Variants in SLC3A2 observed in about 807,000 individuals in gnomAD.
The protein encoded by SLC3A2 is amino acid transporter heavy chain SLC3A2.
Under a neutral mutation model 48.5 loss-of-function variants are expected in SLC3A2, and 32 were observed. The ratio of observed to expected loss-of-function variants is 0.66; its 90% CI spans 0.50 to 0.89. SLC3A2 has a LOEUF of 0.89. SLC3A2 is among the 40% of genes least tolerant of loss of function. SLC3A2 has a pLI of 0.00. For synonymous variants in SLC3A2, 277 were observed against 288.8 expected (o/e 0.96, Z 0.41); for missense variants, 587 against 680.7 (o/e 0.86, Z 1.53).
intron 1 of SLC3A2, among the ~76,000 whole-genome samples, chr11:62,867,242 T>C (rs891573739): frequency 6.6e-5 from 10 of 151,838 alleles, no homozygotes; most frequent in African/African-American, 2.2e-4. Context: ...TGCGCCCACC[T>C]CGGCCTCCCA....
At chr11:62,863,628 T>G (rs2085424123) in intron 1 of SLC3A2, among the ~76,000 whole-genome samples, 1 of 152,248 alleles carries the variant, frequency 6.6e-6, no homozygotes, top group South Asian at 2.1e-4. Flanking sequence ...TGCAATGTAC[T>G]AATGTTTTCT....
At position 62,880,969 on chromosome 11, in the gene SLC3A2, G is replaced by A. The variant is rs1427500822; in HGVS notation, c.-55G>A. The A allele has an allele frequency of 1.3e-6, 2 of 1,521,340 alleles. No individual in the cohort carries two copies. Among genetic ancestry groups the A allele is most frequent in the East Asian group, 2.3e-5 (1 of 43,586 alleles). 94.2% of individuals were successfully genotyped at this position (1,521,340 alleles called of 1,614,324 possible). On this transcript the variant is annotated 5_prime_UTR_variant, in exon 1 of 9. Transcript: ENST00000338663. ...TTCTGGGTCCGAGGGTCCAGGTAGG[G>A]GTTGAGCCACCATCTGACCGCAAGC...
chr11:62,882,692 C>T (rs189596602), intron 2 of SLC3A2: 68 of 517,192 alleles, frequency 1.3e-4, no homozygotes, highest in East Asian at 7.0e-4. Flanking sequence ...ACATGTTGAC[C>T]GGTCTGGTTT....
chr11:62,867,329 T>C (rs1421338644), intron 1 of SLC3A2, among the ~76,000 whole-genome samples: 1,596 of 116,428 alleles, frequency 0.014, 29 homozygotes, highest in African/African-American at 0.051. Flanking sequence ...TTTCTTTTTT[T>C]TTTTTTTTTT....
chr11:62,883,336 C>T (rs576995631), intron 3 of SLC3A2: 202 of 289,084 alleles, frequency 7.0e-4, no homozygotes, highest in Middle Eastern at 3.6e-3. Context: ...GACTGGTTTC[C>T]CAGTTCTTGT....
At chr11:62,876,871 G>A, upstream of SLC3A2, 1 of 1,047,036 alleles carries the variant, frequency 9.6e-7, no homozygotes. Flanking sequence ...GGAAGTGCTG[G>A]GATTACAGGT....
At chr11:62,880,852 G>A, upstream of SLC3A2, 1 of 1,371,628 alleles carries the variant, frequency 7.3e-7, no homozygotes, top group Non-Finnish European at 9.5e-7. Flanking sequence ...GGGCCGGGGC[G>A]GGGCTCCGCT....
Position 62,870,838 on chromosome 11 carries a change from G to GTAATAATAA in SLC3A2, c.113-10170_113-10162dup, listed in dbSNP as rs57671523. 3.3e-3 allele frequency: 576 copies of GTAATAATAA among 173,212 alleles called. 27 individuals carry two copies. Among genetic ancestry groups the GTAATAATAA allele is most frequent in the Middle Eastern group, 9.3e-3 (5 of 536 alleles). 10.7% of individuals were successfully genotyped at this position (173,212 alleles called of 1,614,324 possible). ...GCTTCCCAGAATGCCGAGATGATAG[G>GTAATAATAA]TAATAATAATAATAATAATTATTAT... On this transcript the variant is annotated intron_variant, in intron 1 of 9. Coordinates refer to the SLC3A2 transcript ENST00000377889.
At chr11:62,868,103 G>A (rs2085472377) in intron 1 of SLC3A2, among the ~76,000 whole-genome samples, 1 of 151,478 alleles carries the variant, frequency 6.6e-6, no homozygotes, top group Non-Finnish European at 1.5e-5. Flanking sequence ...TGTATTTTTA[G>A]TAGAGACGGG....
chr11:62,870,235 G>A (rs948551391), intron 1 of SLC3A2, among the ~76,000 whole-genome samples: 3 of 151,406 alleles, frequency 2.0e-5, no homozygotes, highest in Admixed American at 2.0e-4. Flanking sequence ...AGCCTGGAGT[G>A]CAGTGGCGTG....
upstream of SLC3A2, among the ~76,000 whole-genome samples, chr11:62,879,802 C>T (rs1213055011): frequency 6.6e-6 from 1 of 152,216 alleles, no homozygotes; most frequent in Non-Finnish European, 1.5e-5. Context: ...TGTTGGCACC[C>T]CACGGTGTTG....
upstream of SLC3A2, among the ~76,000 whole-genome samples, chr11:62,877,896 C>A (rs2085586212): frequency 6.6e-6 from 1 of 152,202 alleles, no homozygotes; most frequent in Non-Finnish European, 1.5e-5. Flanking sequence ...GTGGCTCATG[C>A]CTGTAATCCC....
At chr11:62,879,703 G>A (rs1433434777), upstream of SLC3A2, among the ~76,000 whole-genome samples, 1 of 152,242 alleles carries the variant, frequency 6.6e-6, no homozygotes, top group African/African-American at 2.4e-5. Flanking sequence ...TCCAGCCTAG[G>A]TGGGAAAGGG....
At chr11:62,878,500 C>T (rs2085592784), upstream of SLC3A2, among the ~76,000 whole-genome samples, 1 of 151,600 alleles carries the variant, frequency 6.6e-6, no homozygotes, top group Admixed American at 6.6e-5. Flanking sequence ...GAGTCTTGCT[C>T]TGTATCCCAG....
At chr11:62,874,669 C>T (rs1032865529) in intron 1 of SLC3A2, among the ~76,000 whole-genome samples, 13 of 152,130 alleles carry the variant, frequency 8.5e-5, no homozygotes, top group South Asian at 2.1e-4. Context: ...ATAGTAGCTG[C>T]GAAGTGAACT....
At position 62,881,785 on chromosome 11, in the gene SLC3A2, C is replaced by T. The variant is rs1031603255; in HGVS notation, c.425-108C>T. 18 of 1,277,540 alleles carry T rather than the reference C, an allele frequency of 1.4e-5. No homozygotes were observed. The highest frequency in any genetic ancestry group is 1.6e-5 in the Non-Finnish European group (15 of 915,870). The allele number at this position is 1,277,540 out of a possible 1,614,324, so 79.1% of individuals were successfully genotyped here. A position where few individuals can be genotyped will look rare whatever the true frequency, so the allele number is the denominator to read the frequency against. On this transcript the variant is annotated intron_variant, in intron 1 of 8. Transcript: ENST00000338663. The surrounding 1 kb of genome is among the most constrained non-coding windows in gnomAD (Gnocchi z 4.0). ...TGATTCAGCCTTGCCTCCCTCTCTC[C>T]CCCTTTGCCCCCTCCCCGTCCCACC...
At chr11:62,875,970 A>ATCC (rs1565250102), upstream of SLC3A2, among the ~76,000 whole-genome samples, 3 of 152,078 alleles carry the variant, frequency 2.0e-5, no homozygotes, top group Admixed American at 6.6e-5. Flanking sequence ...GGCTCAAGTG[A>ATCC]TCCTCCCACT....
chr11:62,871,466 C>G, intron 1 of SLC3A2: 1 of 383,188 alleles, frequency 2.6e-6, no homozygotes, highest in East Asian at 4.6e-5. Flanking sequence ...TCTCGAACTC[C>G]TGATCTCAGG....
intron 1 of SLC3A2, among the ~76,000 whole-genome samples, chr11:62,862,431 C>T (rs2085410524): frequency 6.6e-6 from 1 of 151,598 alleles, no homozygotes; most frequent in South Asian, 2.1e-4. Flanking sequence ...GAGAGGGTCC[C>T]TTGAGGCCAG....
Sources: allele counts gnomAD v4.1 joint callset (sites outside exome capture counted in the v4.1 genomes callset), GRCh38; gene constraint gnomAD v4.1.1; non-coding constraint Gnocchi (gnomAD v3.1); transcripts MANE v1.5; gene names NCBI Gene and HGNC (gene_info 2026-07-23, HGNC 2026-07-21).